The following DNAH7 variants were observed in gnomAD, a reference collection of about 807,000 sequenced individuals.
DNAH7 encodes axonemal beta dynein heavy chain 7.
In DNAH7, 397 loss-of-function variants were observed where a neutral mutation model predicts 444.6. The ratio of observed to expected loss-of-function variants is 0.89; its 90% CI spans 0.82 to 0.97. The LOEUF is 0.97. Among genes scored for constraint, DNAH7 ranks in the 50% least tolerant of loss-of-function variants. The pLI, the probability that DNAH7 is intolerant of heterozygous loss-of-function variation, is 0.00. For synonymous variants in DNAH7, 1,636 were observed against 1,624.4 expected (o/e 1.01, Z -0.17); for missense variants, 4,902 against 4,800.8 (o/e 1.02, Z -0.62).
At position 195,816,801 on chromosome 2, in the gene DNAH7, A is replaced by G; in HGVS notation, c.9588T>C (p.Ile3196=). 1 of 1,614,152 alleles carries G rather than the reference A, an allele frequency of 6.2e-7. No homozygotes were observed. Residue 3196 remains isoleucine (I), a synonymous_variant, in exon 51 of 65, where the codon ATT becomes ATC. Transcript: ENST00000312428. Reference sequence around the variant, plus strand: ...GACGATAGCCCATGCGGGTGGTGTCAATCTTTTTCTCTGTCTCTTCGGCTA... The same window carrying G: ...GACGATAGCCCATGCGGGTGGTGTCGATCTTTTTCTCTGTCTCTTCGGCTA... ...QEVAEETEKK[I]DTTRMGYRPI...
At chr2:195,979,606 AAAT>A (rs1273578426) in intron 15 of DNAH7, among the ~76,000 whole-genome samples, 6 of 152,134 alleles carry the variant, frequency 3.9e-5, no homozygotes, top group African/African-American at 1.4e-4. Flanking sequence ...CTAAGAAAAT[AAAT>A]AATAAACATC....
intron 54 of DNAH7, among the ~76,000 whole-genome samples, chr2:195,799,986 G>T (rs1441760827): frequency 6.6e-6 from 1 of 152,198 alleles, no homozygotes; most frequent in Non-Finnish European, 1.5e-5. Context: ...CATTGTCTGA[G>T]AATTTTCTGG....
At chr2:195,846,222 C>A (rs561677967) in intron 46 of DNAH7, among the ~76,000 whole-genome samples, 1 of 152,224 alleles carries the variant, frequency 6.6e-6, no homozygotes, top group East Asian at 1.9e-4. Context: ...TACTTCTCAA[C>A]AGAAGACATA....
intron 63 of DNAH7, among the ~76,000 whole-genome samples, chr2:195,747,656 C>T (rs1306061965): frequency 1.3e-5 from 2 of 152,182 alleles, no homozygotes; most frequent in Admixed American, 6.6e-5. Context: ...TGGGCTTCAT[C>T]CCTGGGATGC....
At chr2:195,801,081 C>G (rs1696426855) in intron 54 of DNAH7, among the ~76,000 whole-genome samples, 2 of 152,124 alleles carry the variant, frequency 1.3e-5, no homozygotes, top group Admixed American at 1.3e-4. Flanking sequence ...TGTGACATTG[C>G]ACAAAAGCCC....
intron 61 of DNAH7, among the ~76,000 whole-genome samples, chr2:195,759,759 A>G (rs1694262405): frequency 6.6e-6 from 1 of 152,056 alleles, no homozygotes; most frequent in Non-Finnish European, 1.5e-5. Context: ...GGCTGAGGCA[A>G]GAGGATTACT....
chr2:195,813,802 T>G (rs1461747050), intron 51 of DNAH7, among the ~76,000 whole-genome samples: 2 of 152,332 alleles, frequency 1.3e-5, no homozygotes, highest in East Asian at 3.9e-4. Context: ...AGGAGAGAGT[T>G]TCTGGGTTGG....
chr2:195,911,728 C>G (rs904302044), intron 24 of DNAH7, among the ~76,000 whole-genome samples: 3 of 152,152 alleles, frequency 2.0e-5, no homozygotes, highest in African/African-American at 7.2e-5. Context: ...ATCTACACTT[C>G]TATACCTAGC....
At chr2:195,915,001 T>C (rs1175788754) in intron 24 of DNAH7, among the ~76,000 whole-genome samples, 2 of 152,160 alleles carry the variant, frequency 1.3e-5, no homozygotes, top group Non-Finnish European at 2.9e-5. Flanking sequence ...GGAAACAATA[T>C]AATTTAAAAC....
intron 16 of DNAH7, among the ~76,000 whole-genome samples, chr2:195,970,615 C>T (rs73042522): frequency 0.065 from 9,830 of 152,048 alleles, 399 homozygotes; most frequent in African/African-American, 0.12. Flanking sequence ...ACAAGAAACA[C>T]GTAAGGTAAA....
chr2:195,828,288 C>T (rs746363206), intron 48 of DNAH7, among the ~76,000 whole-genome samples: 5 of 152,016 alleles, frequency 3.3e-5, no homozygotes, highest in African/African-American at 4.8e-5. Context: ...ACTTTCTTTT[C>T]AAATATTTCT....
chr2:195,878,950 A>G (rs568496808), intron 36 of DNAH7, among the ~76,000 whole-genome samples: 2 of 152,210 alleles, frequency 1.3e-5, no homozygotes, highest in Non-Finnish European at 2.9e-5. Context: ...TTGATAATTT[A>G]AAAACTGAAT....
rs761648064 is a variant in DNAH7 at position 195,922,099 on chromosome 2, A to C, written c.3924T>G (p.Asp1308Glu). Residue 1308 changes from aspartate to glutamate, a missense_variant, in exon 24 of 65, where the codon GAT (aspartate) becomes GAG (glutamate). Physicochemically the swap from Asp to Glu is conservative, Grantham distance 45. Transcript: ENST00000312428. The part of the protein sequence containing the change: ...SPRLVITPLT[D>E]RCYRTLFGAL... ...ATTAAAGGGTTTACCTGTAACATCT[A>C]TCCGTGAGTGGTGTAATAACCAGCC... is the stretch of plus-strand genomic sequence containing the variant. The C allele has an allele frequency of 1.3e-6, 2 of 1,593,236 alleles. No individual in the cohort carries two copies. The highest frequency in any genetic ancestry group is 2.2e-5 in the East Asian group (1 of 44,726).
intron 57 of DNAH7, among the ~76,000 whole-genome samples, chr2:195,787,482 C>G (rs1371109945): frequency 6.6e-6 from 1 of 151,988 alleles, no homozygotes; most frequent in African/African-American, 2.4e-5. Flanking sequence ...CATCATAAGG[C>G]AACATGTAAC....
At position 195,864,530 on chromosome 2, in the gene DNAH7, T is replaced by C. The variant is rs756277548; in HGVS notation, c.7125A>G (p.Glu2375=). 1.2e-6 allele frequency: 2 copies of C among 1,614,172 alleles called. No homozygotes were observed. Among genetic ancestry groups the C allele is most frequent in the Non-Finnish European group, 1.7e-6 (2 of 1,180,036 alleles). Reference sequence around the variant, plus strand: ...AGATCACTTTTAAATCTTCATGCCATTCAGTAGTATCATACCCCTTAGAGA... The same window carrying C: ...AGATCACTTTTAAATCTTCATGCCACTCAGTAGTATCATACCCCTTAGAGA... ...VEISKGYDTT[E]WHEDLKVILR... Residue 2375 remains glutamate (E), a synonymous_variant, in exon 41 of 65, where the codon GAA becomes GAG. Transcript: ENST00000312428.
At chr2:195,858,345 CA>C (rs748814383) in intron 43 of DNAH7, 128 bp downstream of exon 43, 2 of 817,182 alleles carry the variant, frequency 2.4e-6, no homozygotes, top group Non-Finnish European at 1.7e-6. Flanking sequence ...TTGCCAATTT[CA>C]AAATGATTTC....
intron 15 of DNAH7, among the ~76,000 whole-genome samples, chr2:195,974,630 G>A (rs1692060703): frequency 6.6e-6 from 1 of 151,728 alleles, no homozygotes; most frequent in Non-Finnish European, 1.5e-5. Flanking sequence ...TAATGAACAG[G>A]AATTTACAGT....
chr2:195,884,537 G>A (rs1316872921), intron 35 of DNAH7, 48 bp downstream of exon 35: 1 of 1,383,634 alleles, frequency 7.2e-7, no homozygotes. Context: ...TGTCAGAGAG[G>A]GGACTCTGCC....
chr2:195,886,301 A>G (rs1057154337), intron 33 of DNAH7, 29 bp from the exon 34 acceptor site: 2 of 1,598,038 alleles, frequency 1.3e-6, no homozygotes, highest in African/African-American at 1.3e-5. Flanking sequence ...AAATGACTAA[A>G]CAATTTAAAT....
Sources: allele counts gnomAD v4.1 joint callset (sites outside exome capture counted in the v4.1 genomes callset), GRCh38; gene constraint gnomAD v4.1.1; transcripts MANE v1.5; gene names NCBI Gene and HGNC (gene_info 2026-07-23, HGNC 2026-07-21).